PLCXD2: variants seen among roughly 807,000 people sequenced by gnomAD.
PLCXD2 encodes phosphatidylinositol specific phospholipase C X domain containing 2, also known as PI-PLC X domain-containing protein 2.
A neutral mutation model predicts 28.6 loss-of-function variants in PLCXD2; 21 were observed. That is an observed-to-expected ratio of 0.73 (90% CI 0.52 to 1.06). The LOEUF (loss-of-function observed/expected upper bound fraction) is 1.06, where lower values mean the gene tolerates loss of function less well. Among genes scored for constraint, PLCXD2 ranks in the 50% least tolerant of loss-of-function variants. The probability of loss-of-function intolerance (pLI) is 0.00; values close to 1 mark genes in which losing one functional copy is unlikely to be tolerated. For synonymous variants in PLCXD2, 140 were observed against 150.1 expected (o/e 0.93, Z 0.49); for missense variants, 369 against 376.7 (o/e 0.98, Z 0.17).
At position 111,675,090 on chromosome 3, in the gene PLCXD2, A is replaced by C; in HGVS notation, c.-156A>C. ...GTGGGGACTGTGAGTGCTAGTGGGT[A>C]AGGATCCATCTGTTTGCCCCGTCCC... On this transcript the variant is annotated 5_prime_UTR_variant, in exon 1 of 5. Transcript: ENST00000477665. 1.3e-6 allele frequency: 1 copy of C among 764,504 alleles called. No homozygotes were observed. Among genetic ancestry groups the C allele is most frequent in the Non-Finnish European group, 2.1e-6 (1 of 470,050 alleles). 47.4% of individuals were successfully genotyped at this position (764,504 alleles called of 1,614,324 possible).
chr3:111,717,990 CTT>C (rs62983461), intron 3 of PLCXD2, among the ~76,000 whole-genome samples: 1,844 of 148,712 alleles, frequency 0.012, 28 homozygotes, highest in African/African-American at 0.038. Flanking sequence ...GATTCCTTAC[CTT>C]TTTTTTTTTA....
chr3:111,712,748 A>T (rs775700699), intron 2 of PLCXD2, among the ~76,000 whole-genome samples: 9 of 152,172 alleles, frequency 5.9e-5, no homozygotes, highest in Non-Finnish European at 1.2e-4. Flanking sequence ...CTATCCGGGG[A>T]TGGCAGTCCA....
intron 1 of PLCXD2, among the ~76,000 whole-genome samples, chr3:111,678,256 C>T (rs906042207): frequency 3.9e-5 from 6 of 152,182 alleles, no homozygotes; most frequent in Non-Finnish European, 8.8e-5. Flanking sequence ...TGTTAATGGC[C>T]AATACCACCA....
chr3:111,710,938 T>C (rs1941191711), intron 2 of PLCXD2, among the ~76,000 whole-genome samples: 1 of 152,232 alleles, frequency 6.6e-6, no homozygotes, highest in Non-Finnish European at 1.5e-5. Context: ...TGATCTATCA[T>C]AGTTTTTTAA....
At chr3:111,700,011 A>G (rs924975786) in intron 1 of PLCXD2, among the ~76,000 whole-genome samples, 1 of 152,188 alleles carries the variant, frequency 6.6e-6, no homozygotes, top group African/African-American at 2.4e-5. Context: ...ACTTTTGGGA[A>G]ACTATAATCT....
chr3:111,709,148 A>T (rs1293108889), intron 2 of PLCXD2, among the ~76,000 whole-genome samples: 3 of 152,026 alleles, frequency 2.0e-5, no homozygotes, highest in African/African-American at 7.2e-5. Flanking sequence ...TGCTCAGCAG[A>T]TGCATTAACC....
intron 2 of PLCXD2, 144 bp from the exon 3 acceptor site, chr3:111,713,743 A>T: frequency 2.3e-6 from 2 of 872,354 alleles, no homozygotes; most frequent in Non-Finnish European, 3.2e-6. Flanking sequence ...ATTTCCTAAA[A>T]ATATATATTA....
chr3:111,687,132 TA>T (rs1328050593), intron 1 of PLCXD2, among the ~76,000 whole-genome samples: 42 of 152,252 alleles, frequency 2.8e-4, no homozygotes, highest in Admixed American at 2.7e-3. Context: ...TAGTACCTAC[TA>T]AATTCCAGAA....
intron 3 of PLCXD2, among the ~76,000 whole-genome samples, chr3:111,718,451 G>A (rs1036957354): frequency 2.4e-4 from 36 of 151,506 alleles, no homozygotes; most frequent in Admixed American, 5.9e-4. Flanking sequence ...GGGGACAGAG[G>A]AAGACTCCGT....
chr3:111,711,963 G>A (rs777000587), intron 2 of PLCXD2, among the ~76,000 whole-genome samples: 10 of 152,176 alleles, frequency 6.6e-5, no homozygotes, highest in Non-Finnish European at 8.8e-5. Context: ...CTTTTAATCT[G>A]AGTCTCAAGA....
chr3:111,675,144 G>T lies in PLCXD2; in HGVS notation c.-102G>T. Reference sequence around the variant, plus strand: ...GCCAGAAAGGCATTTTGGAAAGACTGGCGTGGCAAGCGTCGCCCTGAAACG... The same window carrying T: ...GCCAGAAAGGCATTTTGGAAAGACTTGCGTGGCAAGCGTCGCCCTGAAACG... On this transcript the variant is annotated 5_prime_UTR_variant, in exon 1 of 5. Coordinates refer to ENST00000477665, the MANE Select transcript of PLCXD2 (RefSeq NM_001185106.1). 7.1e-7 allele frequency: 1 copy of T among 1,399,242 alleles called. No homozygotes were observed. Among genetic ancestry groups the T allele is most frequent in the Non-Finnish European group, 9.8e-7 (1 of 1,019,556 alleles). 86.7% of individuals were successfully genotyped at this position (1,399,242 alleles called of 1,614,324 possible).
intron 1 of PLCXD2, among the ~76,000 whole-genome samples, chr3:111,688,893 TTA>T (rs540917284): frequency 1.7e-4 from 25 of 151,086 alleles, no homozygotes; most frequent in African/African-American, 5.3e-4. Context: ...AATAAATATG[TTA>T]TATATATATA....
intron 1 of PLCXD2, among the ~76,000 whole-genome samples, chr3:111,704,616 T>C (rs1269393207): frequency 6.6e-6 from 1 of 152,224 alleles, no homozygotes; most frequent in Non-Finnish European, 1.5e-5. Context: ...AGAGTGATAT[T>C]TCAATACGTG....
chr3:111,695,646 T>C (rs1283493665), intron 1 of PLCXD2, among the ~76,000 whole-genome samples: 1 of 152,240 alleles, frequency 6.6e-6, no homozygotes, highest in Non-Finnish European at 1.5e-5. Context: ...CTGGTTCTGC[T>C]GTTTACATTA....
At chr3:111,685,911 A>G (rs1350618632) in intron 1 of PLCXD2, among the ~76,000 whole-genome samples, 2 of 152,194 alleles carry the variant, frequency 1.3e-5, no homozygotes, top group Non-Finnish European at 2.9e-5. Flanking sequence ...GGGCTTTAAA[A>G]TGCTCCCCCC....
intron 3 of PLCXD2, among the ~76,000 whole-genome samples, chr3:111,719,690 A>G (rs1208228782): frequency 6.6e-6 from 1 of 152,216 alleles, no homozygotes; most frequent in East Asian, 1.9e-4. Flanking sequence ...AAACAGGCAA[A>G]TCTAATCTAC....
intron 1 of PLCXD2, 38 bp from the exon 2 acceptor site, chr3:111,707,888 G>A (rs138764421): frequency 2.5e-4 from 382 of 1,540,878 alleles, no homozygotes; most frequent in Admixed American, 3.8e-4. Context: ...CCCAGCTCCC[G>A]TCTCATCTGC....
chr3:111,675,255 G>A lies in PLCXD2; in HGVS notation c.10G>A (p.Val4Ile), dbSNP rs145951517. ...TTTGTTAACAACAGGGATGCTAGCAGTTAGGAAGGCCAGGAGGAAACTCAG... is the reference window on the plus strand; with the variant it reads ...TTTGTTAACAACAGGGATGCTAGCAATTAGGAAGGCCAGGAGGAAACTCAG... The change falls in exon 1 of 5, where the codon GTT becomes ATT. Residue 4 changes from valine to isoleucine, a missense_variant. Coordinates refer to ENST00000477665, the MANE Select transcript of PLCXD2 (RefSeq NM_001185106.1). 6.2e-7 allele frequency: 1 copy of A among 1,613,922 alleles called. No homozygotes were observed. The highest frequency in any genetic ancestry group is 1.7e-5 in the Admixed American group (1 of 60,006).
intron 3 of PLCXD2, among the ~76,000 whole-genome samples, chr3:111,719,341 A>G (rs1385818600): frequency 1.3e-5 from 2 of 152,236 alleles, no homozygotes; most frequent in African/African-American, 4.8e-5. Context: ...CACAAAATAT[A>G]TCTGACAGAA....
Sources: allele counts gnomAD v4.1 joint callset (sites outside exome capture counted in the v4.1 genomes callset), GRCh38; gene constraint gnomAD v4.1.1; transcripts MANE v1.5; gene names NCBI Gene and HGNC (gene_info 2026-07-23, HGNC 2026-07-21).